Variants in CUX2 observed in about 807,000 individuals in gnomAD.
The protein encoded by CUX2 is cut like homeobox 2.
A neutral mutation model predicts 144.8 loss-of-function variants in CUX2; 40 were observed. The observed-to-expected ratio is 0.28, with a 90% CI of 0.21 to 0.36. The LOEUF is 0.36. Ranked by LOEUF, CUX2 falls within the 10% of genes least tolerant of loss-of-function variation. The pLI is 1.00. For missense variants in CUX2, 1,615 were observed against 1,994.0 expected, an observed-to-expected ratio of 0.81 and a Z score of 3.62; for synonymous variants, 827 against 875.6, an observed-to-expected ratio of 0.94 and a Z score of 0.98.
chr12:111,276,677 G>A (rs770882401), intron 4 of CUX2, among the ~76,000 whole-genome samples: 10 of 152,018 alleles, frequency 6.6e-5, no homozygotes, highest in Non-Finnish European at 1.0e-4. Flanking sequence ...GTTTTGAGAC[G>A]GAGCCTCACT....
In CUX2 at chr12:111,268,505, C is replaced by T. The variant is rs1884491295; in HGVS notation, c.301+4666C>T. On this transcript the variant is annotated intron_variant, in intron 4 of 21. Transcript: ENST00000261726. ...GTGCCTGCTGCCTGGTCCCATGCTC[C>T]ACCCCATCCCGCGCTCACAGGAACA... Among the ~76,000 whole-genome samples the T allele has an allele frequency of 2.0e-5, 3 of 152,350 alleles. No homozygotes were observed. The South Asian group carries it at 6.2e-4, about 32-fold the overall frequency.
intron 1 of CUX2, among the ~76,000 whole-genome samples, chr12:111,047,767 G>A (rs1870069614): frequency 6.6e-6 from 1 of 152,194 alleles, no homozygotes; most frequent in Non-Finnish European, 1.5e-5. Context: ...TGCTGGGTGT[G>A]GAAGGGCAAG....
intron 3 of CUX2, among the ~76,000 whole-genome samples, chr12:111,240,655 C>T (rs1882977215): frequency 6.6e-6 from 1 of 152,156 alleles, no homozygotes; most frequent in Non-Finnish European, 1.5e-5. Context: ...ACCTCATCCA[C>T]CCTCATGTCA....
intron 3 of CUX2, among the ~76,000 whole-genome samples, chr12:111,258,054 A>G (rs1286034962): frequency 6.6e-6 from 1 of 152,230 alleles, no homozygotes; most frequent in Non-Finnish European, 1.5e-5. Context: ...TTTATTTGAA[A>G]GCTTTCATCA....
intron 1 of CUX2, among the ~76,000 whole-genome samples, chr12:111,106,021 C>T (rs4766535): frequency 0.089 from 13,506 of 151,928 alleles, 889 homozygotes; most frequent in African/African-American, 0.17. Flanking sequence ...TATGCCACCA[C>T]GCCTGGCTAA....
chr12:111,034,963 C>A lies in CUX2; in HGVS notation c.63+723C>A, dbSNP rs1869353717. Among the ~76,000 whole-genome samples, 1 of 151,996 alleles carries A rather than the reference C, an allele frequency of 6.6e-6. No homozygotes were observed. Among genetic ancestry groups the A allele is most frequent in the South Asian group, 2.1e-4 (1 of 4,834 alleles). On this transcript the variant is annotated intron_variant, in intron 1 of 21. Transcript: ENST00000261726. The surrounding 1 kb of genome is among the most constrained non-coding windows in gnomAD (Gnocchi z 4.2). The stretch of plus-strand genomic sequence containing the variant: ...GTCTTGGGGTTCGTCTTGCTTCTTG[C>A]CTTTACCCCCCCGCCCCTTCCATCC...
At chr12:111,128,637 A>G (rs1374690382) in intron 1 of CUX2, among the ~76,000 whole-genome samples, 1 of 152,194 alleles carries the variant, frequency 6.6e-6, no homozygotes, top group African/African-American at 2.4e-5. Flanking sequence ...GCACAGGGTC[A>G]TTTGGGGGCC....
chr12:111,147,017 C>G (rs1876720498), intron 1 of CUX2, among the ~76,000 whole-genome samples: 1 of 152,124 alleles, frequency 6.6e-6, no homozygotes, highest in Non-Finnish European at 1.5e-5. Context: ...TGCCTGTAAT[C>G]CCAGATAATC....
intron 1 of CUX2, among the ~76,000 whole-genome samples, chr12:111,041,565 T>C (rs1199025409): frequency 1.3e-5 from 2 of 152,256 alleles, no homozygotes; most frequent in Non-Finnish European, 2.9e-5. Flanking sequence ...TTAAAAACAC[T>C]TTTGTGTAAG....
At chr12:111,052,849 A>C (rs76643428) in intron 1 of CUX2, among the ~76,000 whole-genome samples, 2 of 152,208 alleles carry the variant, frequency 1.3e-5, no homozygotes, top group African/African-American at 4.8e-5. Flanking sequence ...TGACTTCCCC[A>C]AAGCTAAGCA....
chr12:111,339,842 G>A (rs1193708037), intron 20 of CUX2, among the ~76,000 whole-genome samples: 17 of 152,172 alleles, frequency 1.1e-4, no homozygotes, highest in Admixed American at 1.0e-3. Flanking sequence ...CCTCCTTGCC[G>A]TGTGACAACC....
At chr12:111,268,887 C>T (rs1344001676) in intron 4 of CUX2, among the ~76,000 whole-genome samples, 1 of 152,210 alleles carries the variant, frequency 6.6e-6, no homozygotes, top group Non-Finnish European at 1.5e-5. Flanking sequence ...AGAGATGCCT[C>T]CCAGGGGTCC....
At chr12:111,141,188 T>G (rs1876289749) in intron 1 of CUX2, among the ~76,000 whole-genome samples, 1 of 151,858 alleles carries the variant, frequency 6.6e-6, no homozygotes, top group African/African-American at 2.4e-5. Context: ...GTTTAAATCC[T>G]CATCTTAGGT....
chr12:111,099,515 T>A (rs535750506), intron 1 of CUX2: 1 of 456,132 alleles, frequency 2.2e-6, no homozygotes, highest in East Asian at 7.0e-5. Context: ...CAGGGCAAGT[T>A]GTGGGGAGGT....
Position 111,090,549 on chromosome 12 carries a change from G to A in CUX2, c.63+56309G>A, listed in dbSNP as rs185592582. ...CAAAATGTTGAGATTACAGGTGTGA[G>A]CCACTGCGCCCGGCCTGCGATCCCT... On this transcript the variant is annotated intron_variant, in intron 1 of 21. Coordinates refer to ENST00000261726, the MANE Select transcript of CUX2 (RefSeq NM_015267.4). 7.2e-5 allele frequency among the ~76,000 whole-genome samples: 11 copies of A among 152,256 alleles called. No individual in the cohort carries two copies. The East Asian group carries it at 2.1e-3, about 29-fold the overall frequency.
intron 1 of CUX2, among the ~76,000 whole-genome samples, chr12:111,121,932 T>C (rs1442860172): frequency 3.3e-5 from 5 of 151,856 alleles, no homozygotes; most frequent in Admixed American, 6.6e-5. Context: ...TTCCAGGTGC[T>C]ACGAGTTCTC....
chr12:111,244,277 C>A (rs79483215), intron 3 of CUX2, among the ~76,000 whole-genome samples: 3,819 of 152,252 alleles, frequency 0.025, 148 homozygotes, highest in African/African-American at 0.086. Context: ...GTGTGTGGGG[C>A]AGCTGAGAAA....
At chr12:111,126,902 A>G (rs997781004) in intron 1 of CUX2, among the ~76,000 whole-genome samples, 1 of 152,236 alleles carries the variant, frequency 6.6e-6, no homozygotes, top group Non-Finnish European at 1.5e-5. Flanking sequence ...TATCCTGTGT[A>G]CAACCAAAAA....
intron 19 of CUX2, among the ~76,000 whole-genome samples, chr12:111,335,156 C>A (rs997255323): frequency 6.6e-6 from 1 of 152,124 alleles, no homozygotes; most frequent in Non-Finnish European, 1.5e-5. Flanking sequence ...TTTGGGAGGC[C>A]CAGGCAGGTG....
Sources: gnomAD v4.1 joint callset for allele counts (sites outside exome capture counted in the v4.1 genomes callset) on GRCh38, gnomAD v4.1.1 for gene constraint, Gnocchi (gnomAD v3.1) non-coding constraint, MANE v1.5 for transcripts, NCBI Gene and HGNC (gene_info 2026-07-23, HGNC 2026-07-21) for gene names.